NBEA: variants seen among roughly 807,000 people sequenced by gnomAD.
The protein encoded by NBEA is neurobeachin, also known as lysosomal-trafficking regulator 2.
Under a neutral mutation model 343.4 loss-of-function variants are expected in NBEA, and 44 were observed. The observed-to-expected ratio is 0.13, with a 90% CI of 0.10 to 0.16. The LOEUF is 0.16. NBEA is among the 10% of genes least tolerant of loss of function. The pLI is 1.00. For synonymous variants in NBEA, 1,175 were observed against 1,238.7 expected (o/e 0.95, Z 1.08); for missense variants, 2,555 against 3,631.3 (o/e 0.70, Z 7.62).
At chr13:35,117,261 CAT>C (rs1241502280) in intron 13 of NBEA, among the ~76,000 whole-genome samples, 151 bp from the exon 14 acceptor site, 5 of 151,492 alleles carry the variant, frequency 3.3e-5, no homozygotes, top group Admixed American at 1.3e-4. Context: ...TTTGGATACT[CAT>C]ATATTATTAA....
intron 44 of NBEA, among the ~76,000 whole-genome samples, chr13:35,555,418 C>G (rs1410429335): frequency 1.3e-5 from 2 of 152,132 alleles, no homozygotes; most frequent in Non-Finnish European, 1.5e-5. Flanking sequence ...AATTTCACTA[C>G]TTTGTCATTC....
intron 49 of NBEA, among the ~76,000 whole-genome samples, chr13:35,632,072 T>C (rs1321416770): frequency 6.6e-6 from 1 of 152,240 alleles, no homozygotes; most frequent in East Asian, 1.9e-4. Flanking sequence ...AGTCTTGGCT[T>C]ACATCGTAAT....
At chr13:35,621,812 G>A (rs2083006121) in intron 48 of NBEA, among the ~76,000 whole-genome samples, 2 of 152,116 alleles carry the variant, frequency 1.3e-5, no homozygotes, top group Non-Finnish European at 2.9e-5. Context: ...CCAATGATAG[G>A]TTAAGAGTTG....
chr13:35,451,362 T>C (rs984576843), intron 39 of NBEA, among the ~76,000 whole-genome samples: 4 of 152,224 alleles, frequency 2.6e-5, no homozygotes, highest in African/African-American at 9.6e-5. Flanking sequence ...GACCTCGTGA[T>C]CCGCCCACCT....
chr13:35,072,711 GC>G (rs2063927986), intron 10 of NBEA, among the ~76,000 whole-genome samples: 1 of 151,996 alleles, frequency 6.6e-6, no homozygotes, highest in East Asian at 1.9e-4. Context: ...ACAGGCACCT[GC>G]CACCATGCCC....
At chr13:35,461,215 A>G (rs1420235330) in intron 40 of NBEA, among the ~76,000 whole-genome samples, 3 of 152,214 alleles carry the variant, frequency 2.0e-5, no homozygotes, top group East Asian at 3.8e-4. Flanking sequence ...ACCATAAATC[A>G]TATATAATTT....
At chr13:35,206,952 T>TAAAGCACACATAA (rs1273553262) in intron 31 of NBEA, among the ~76,000 whole-genome samples, 2 of 152,054 alleles carry the variant, frequency 1.3e-5, no homozygotes, top group Non-Finnish European at 1.5e-5. Context: ...TAATGTGTGC[T>TAAAGCACACATAA]TTAGGTAATT....
intron 40 of NBEA, among the ~76,000 whole-genome samples, chr13:35,455,769 A>G (rs1283586273): frequency 6.6e-6 from 1 of 152,096 alleles, no homozygotes; most frequent in Non-Finnish European, 1.5e-5. Context: ...ATTACCACCA[A>G]TTTTGGAAAT....
intron 39 of NBEA, among the ~76,000 whole-genome samples, chr13:35,432,928 T>C (rs530088359): frequency 3.9e-5 from 6 of 152,170 alleles, no homozygotes; most frequent in African/African-American, 7.2e-5. Context: ...CCTCTTTATA[T>C]GATATTTTGT....
chr13:35,193,827 A>G (rs1192932538), intron 30 of NBEA, among the ~76,000 whole-genome samples: 1 of 151,964 alleles, frequency 6.6e-6, no homozygotes, highest in Non-Finnish European at 1.5e-5. Flanking sequence ...CAAACTAACA[A>G]ATAAACAAAC....
At chr13:35,385,279 G>T (rs1234663663) in intron 38 of NBEA, among the ~76,000 whole-genome samples, 1 of 152,112 alleles carries the variant, frequency 6.6e-6, no homozygotes, top group Non-Finnish European at 1.5e-5. Flanking sequence ...TAAAATTACA[G>T]TTTTTTATAA....
At chr13:35,177,276 T>G (rs1156629916) in intron 28 of NBEA, among the ~76,000 whole-genome samples, 173 bp downstream of exon 28, 1 of 151,924 alleles carries the variant, frequency 6.6e-6, no homozygotes, top group Non-Finnish European at 1.5e-5. Context: ...TCTGAAAGCT[T>G]ATTGATAATG....
chr13:35,661,765 A>T (rs1214284682), intron 55 of NBEA, among the ~76,000 whole-genome samples: 1 of 152,190 alleles, frequency 6.6e-6, no homozygotes, highest in Non-Finnish European at 1.5e-5. Context: ...TAAATCCCTT[A>T]TTCTGGGATT....
intron 38 of NBEA, among the ~76,000 whole-genome samples, chr13:35,375,458 A>G (rs181357678): frequency 1.4e-4 from 21 of 152,250 alleles, no homozygotes; most frequent in Admixed American, 1.2e-3. Context: ...AAAATCTCCT[A>G]CTTATTCAAA....
chr13:34,965,174 A>G (rs946161659), intron 1 of NBEA, among the ~76,000 whole-genome samples: 12 of 152,042 alleles, frequency 7.9e-5, no homozygotes, highest in Non-Finnish European at 1.6e-4. Context: ...TGATGGGAGC[A>G]TAGCATAGGG....
chr13:35,177,248 G>T, intron 28 of NBEA, 145 bp downstream of exon 28: 1 of 599,574 alleles, frequency 1.7e-6, no homozygotes, highest in East Asian at 2.9e-5. Context: ...ATTATAAAAT[G>T]GTTGAACCTT....
chr13:35,311,452 G>C (rs1180995967), intron 36 of NBEA, among the ~76,000 whole-genome samples: 1 of 152,046 alleles, frequency 6.6e-6, no homozygotes, highest in Admixed American at 6.5e-5. Flanking sequence ...GCTAATATCA[G>C]AGATTTTAAG....
At chr13:35,610,852 A>T (rs1178850937) in intron 48 of NBEA, among the ~76,000 whole-genome samples, 1 of 152,128 alleles carries the variant, frequency 6.6e-6, no homozygotes, top group African/African-American at 2.4e-5. Flanking sequence ...AATAAAAATA[A>T]AACAATATTT....
intron 55 of NBEA, among the ~76,000 whole-genome samples, chr13:35,663,374 T>C (rs868764325): frequency 2.6e-5 from 4 of 152,236 alleles, no homozygotes; most frequent in Admixed American, 6.5e-5. Context: ...GACAGTTGTC[T>C]TTCTGTGCCT....
Sources: gnomAD v4.1 joint callset for allele counts (sites outside exome capture counted in the v4.1 genomes callset) on GRCh38, gnomAD v4.1.1 for gene constraint, MANE v1.5 for transcripts, NCBI Gene and HGNC (gene_info 2026-07-23, HGNC 2026-07-21) for gene names.